NPR2: variants seen among roughly 807,000 people sequenced by gnomAD.
The protein encoded by NPR2 is natriuretic peptide receptor 2.
A neutral mutation model predicts 120.7 loss-of-function variants in NPR2; 49 were observed. The ratio of observed to expected loss-of-function variants is 0.41; its 90% CI spans 0.32 to 0.52. NPR2 has a LOEUF of 0.52. Among genes scored for constraint, NPR2 ranks in the 20% least tolerant of loss-of-function variants. NPR2 has a pLI of 0.36. For missense variants in NPR2, 931 were observed against 1,362.9 expected, an observed-to-expected ratio of 0.68 and a Z score of 4.99; for synonymous variants, 484 against 519.8, an observed-to-expected ratio of 0.93 and a Z score of 0.94.
chr9:35,794,657 A>G (rs538462450), intron 2 of NPR2, among the ~76,000 whole-genome samples: 2 of 152,206 alleles, frequency 1.3e-5, no homozygotes, highest in African/African-American at 4.8e-5. Flanking sequence ...AAGCATCCTG[A>G]GCAAAGAGAA....
At chr9:35,794,158 TTC>T (rs1292986221) in intron 2 of NPR2, 55 bp downstream of exon 2, 5 of 1,536,220 alleles carry the variant, frequency 3.3e-6, no homozygotes, top group Non-Finnish European at 4.4e-6. Flanking sequence ...TCGCTGGAAA[TTC>T]TCTCTCACAA....
In NPR2 at chr9:35,793,063, G is replaced by T; in HGVS notation, c.655G>T (p.Ala219Ser). ...GPEQATHFIR[A>S]NGRIVYICGP... is the part of the protein sequence containing the mutation. ...CGAGCAGGCCACCCACTTCATCCGGGCCAACGGGCGCAGTGAGTGTGGCCT... is the reference window on the plus strand; with the variant it reads ...CGAGCAGGCCACCCACTTCATCCGGTCCAACGGGCGCAGTGAGTGTGGCCT... Residue 219 changes from alanine (A) to serine (S), a missense_variant, in exon 1 of 22, where the codon GCC (alanine) becomes TCC (serine). This residue lies in a region of NPR2 where 681 missense variants were observed against 974.3 expected (regional missense o/e 0.70). Transcript: ENST00000342694. The T allele has an allele frequency of 6.3e-7, 1 of 1,596,972 alleles. No individual in the cohort carries two copies. Among genetic ancestry groups the T allele is most frequent in the East Asian group, 2.2e-5 (1 of 44,696 alleles).
Position 35,802,948 on chromosome 9 carries a change from A to G in NPR2, c.1887+145A>G. ...ATGGTCTGGTAATAATGGGTAAACA[A>G]GGAGTCTGGGGCTTATAACTGGGAC... On this transcript the variant is annotated intron_variant, in intron 12 of 21. Coordinates refer to ENST00000342694, the MANE Select transcript of NPR2 (RefSeq NM_003995.4). This position sits in a 1 kb window ranked among gnomAD's most constrained non-coding sequence, Gnocchi z 4.2. 1 of 705,404 alleles carries G rather than the reference A, an allele frequency of 1.4e-6. No homozygotes were observed. The highest frequency in any genetic ancestry group is 2.6e-6 in the Non-Finnish European group (1 of 386,046). The allele number at this position is 705,404 out of a possible 1,614,324, so 43.7% of individuals were successfully genotyped here. A position where few individuals can be genotyped will look rare whatever the true frequency, so the allele number is the denominator to read the frequency against.
Position 35,805,459 on chromosome 9 carries a change from G to A in NPR2, c.1888-52G>A. The A allele has an allele frequency of 6.3e-7, 1 of 1,577,322 alleles. No homozygotes were observed. Among genetic ancestry groups the A allele is most frequent in the Non-Finnish European group, 8.7e-7 (1 of 1,146,568 alleles). On this transcript the variant is annotated intron_variant, in intron 12 of 21. Coordinates refer to ENST00000342694, the MANE Select transcript of NPR2 (RefSeq NM_003995.4). This position sits in a 1 kb window ranked among gnomAD's most constrained non-coding sequence, Gnocchi z 4.9. ...CCAGTGCCCATCTCATGGAGAGAGG[G>A]TATTCTAAGCCAGATATGATCCAAT...
In NPR2 at chr9:35,808,837, G is replaced by A. The variant is rs1828578992; in HGVS notation, c.2970G>A (p.Met990Ile). Reference protein sequence around the residue: ...FGDTVNTASRMESNGQALKIH... With the variant: ...FGDTVNTASRIESNGQALKIH... The stretch of plus-strand genomic sequence containing the variant: ...ACACAGTGAACACTGCTTCTCGAAT[G>A]GAGTCTAATGGTCAAGGTAAGACAT... Residue 990 changes from methionine to isoleucine, a missense_variant, in exon 20 of 22, where the codon ATG becomes ATA. By Grantham distance (10) the Met-to-Ile change is conservative (BLOSUM62 1). Around this residue, in one of 3 missense-constraint regions of NPR2, gnomAD observed 184 missense variants for 328.3 expected, o/e 0.56. Transcript: ENST00000342694. The surrounding 1 kb of genome is among the most constrained non-coding windows in gnomAD (Gnocchi z 4.0). 2 of 1,601,630 alleles carry A rather than the reference G, an allele frequency of 1.2e-6. No homozygotes were observed. Among genetic ancestry groups the A allele is most frequent in the South Asian group, 1.1e-5 (1 of 90,796 alleles).
chr9:35,806,959 T>C lies in NPR2; in HGVS notation c.2520-64T>C. ...TCATCTCTGCTGCAGCCACATACAC[T>C]TTCCCTCTCTCTTCCACTCCTGCTC... On this transcript the variant is annotated intron_variant, in intron 16 of 21. Transcript: ENST00000342694. The surrounding 1 kb of genome is among the most constrained non-coding windows in gnomAD (Gnocchi z 4.6). The C allele has an allele frequency of 1.9e-6, 3 of 1,587,854 alleles. No individual in the cohort carries two copies. Among genetic ancestry groups the C allele is most frequent in the Non-Finnish European group, 2.6e-6 (3 of 1,157,590 alleles).
rs1453277291 is a variant in NPR2 at position 35,805,505 on chromosome 9, C to T, written c.1888-6C>T. ...CCAATCCCATGACTTGATCTGTACCCTGCAGGGCATGGCCTTTCTCCACAA... is the reference window on the plus strand; with the variant it reads ...CCAATCCCATGACTTGATCTGTACCTTGCAGGGCATGGCCTTTCTCCACAA... On this transcript the variant is annotated splice_polypyrimidine_tract_variant and splice_region_variant and intron_variant, in intron 12 of 21. Coordinates refer to ENST00000342694, the MANE Select transcript of NPR2 (RefSeq NM_003995.4). The surrounding 1 kb of genome is among the most constrained non-coding windows in gnomAD (Gnocchi z 4.9). 1 of 1,613,994 alleles carries T rather than the reference C, an allele frequency of 6.2e-7. No homozygotes were observed. Among genetic ancestry groups the T allele is most frequent in the Non-Finnish European group, 8.5e-7 (1 of 1,179,944 alleles).
At position 35,809,456 on chromosome 9, in the gene NPR2, T is replaced by C. The variant is rs771871411; in HGVS notation, c.*11T>C. 6.2e-7 allele frequency: 1 copy of C among 1,614,214 alleles called. No homozygotes were observed. ...CCTGGACTCCTGTAAACCCCCATTC[T>C]TTCCAAGTCAGATAGTCTTCTGCTG... On this transcript the variant is annotated 3_prime_UTR_variant, in exon 22 of 22. Transcript: ENST00000342694. This position sits in a 1 kb window ranked among gnomAD's most constrained non-coding sequence, Gnocchi z 4.1.
In NPR2 at chr9:35,807,004, C is replaced by A. The variant is rs560806065; in HGVS notation, c.2520-19C>A. 1.9e-6 allele frequency: 3 copies of A among 1,613,830 alleles called. No homozygotes were observed. Among genetic ancestry groups the A allele is most frequent in the Non-Finnish European group, 2.5e-6 (3 of 1,179,760 alleles). ...CTGCTCTCTTGGAGTTTGGCTCATA[C>A]GGCACCCTTGCTTCCTAGTTCAGTG... On this transcript the variant is annotated intron_variant, in intron 16 of 21. Transcript: ENST00000342694.
intron 18 of NPR2, among the ~76,000 whole-genome samples, chr9:35,807,726 G>A (rs1233838109): frequency 1.3e-5 from 2 of 152,174 alleles, no homozygotes; most frequent in Non-Finnish European, 2.9e-5. Context: ...TATAGGATGT[G>A]GGTCCAGACT....
In NPR2 at chr9:35,800,457, G is replaced by A; in HGVS notation, c.1192G>A (p.Gly398Arg). 6.2e-7 allele frequency: 1 copy of A among 1,614,084 alleles called. No individual in the cohort carries two copies. The highest frequency in any genetic ancestry group is 1.3e-5 in the African/African-American group (1 of 75,046). ...RETDFVLWAM[G>R]DLDSGDFQPA... ...GACTGACTTTGTCCTCTGGGCCATG[G>A]GAGACCTGGATTCTGGGGACTTTCA... Residue 398 changes from glycine to arginine, a missense_variant, in exon 5 of 22, where the codon GGA becomes AGA. Gly to Arg is a moderately radical substitution (Grantham distance 125, BLOSUM62 -2). This residue lies in a region of NPR2 where 681 missense variants were observed against 974.3 expected (regional missense o/e 0.70). Coordinates refer to ENST00000342694, the MANE Select transcript of NPR2 (RefSeq NM_003995.4). The surrounding 1 kb of genome is among the most constrained non-coding windows in gnomAD (Gnocchi z 4.7).
In NPR2 at chr9:35,802,082, G is replaced by C; in HGVS notation, c.1632+82G>C. 7.0e-7 allele frequency: 1 copy of C among 1,427,584 alleles called. No homozygotes were observed. Among genetic ancestry groups the C allele is most frequent in the Middle Eastern group, 1.7e-4 (1 of 5,744 alleles). The allele number at this position is 1,427,584 out of a possible 1,614,324, so 88.4% of individuals were successfully genotyped here. The stretch of plus-strand genomic sequence containing the variant: ...CTGCCACCTCTGCCCCTGAACCTCT[G>C]TCCCTCATACCCGACTCTCTGTGCC... On this transcript the variant is annotated intron_variant, in intron 9 of 21. Coordinates refer to ENST00000342694, the MANE Select transcript of NPR2 (RefSeq NM_003995.4). This position sits in a 1 kb window ranked among gnomAD's most constrained non-coding sequence, Gnocchi z 4.2.
intron 2 of NPR2, among the ~76,000 whole-genome samples, chr9:35,796,772 G>T (rs536213446): frequency 6.6e-6 from 1 of 152,100 alleles, no homozygotes; most frequent in African/African-American, 2.4e-5. Context: ...AAGGTGCCCC[G>T]CCCCCCACCT....
chr9:35,808,622 T>C lies in NPR2; in HGVS notation c.2826T>C (p.Ser942=), dbSNP rs1309029172. Residue 942 remains serine, a synonymous_variant, in exon 19 of 22, where the codon TCT becomes TCC. Coordinates refer to ENST00000342694, the MANE Select transcript of NPR2 (RefSeq NM_003995.4). This position sits in a 1 kb window ranked among gnomAD's most constrained non-coding sequence, Gnocchi z 4.0. ...CCCTAGCATTACTAGATGCAGTTTCTTCCTTTCGCATCCGCCACCGACCCC... is the reference window on the plus strand; with the variant it reads ...CCCTAGCATTACTAGATGCAGTTTCCTCCTTTCGCATCCGCCACCGACCCC... ...RMALALLDAV[S]SFRIRHRPHD... 1 of 1,614,088 alleles carries C rather than the reference T, an allele frequency of 6.2e-7. No homozygotes were observed. The highest frequency in any genetic ancestry group is 2.2e-5 in the East Asian group (1 of 44,900).
In NPR2 at chr9:35,809,343, C is replaced by A. The variant is rs118024515; in HGVS notation, c.3079-37C>A. ...GAGAGGGAGACAAAGGGACTAACAT[C>A]GAAGCATCTGAATCATGTCCACTCT... On this transcript the variant is annotated intron_variant, in intron 21 of 21. Coordinates refer to ENST00000342694, the MANE Select transcript of NPR2 (RefSeq NM_003995.4). This position sits in a 1 kb window ranked among gnomAD's most constrained non-coding sequence, Gnocchi z 4.1. 6.2e-7 allele frequency: 1 copy of A among 1,612,784 alleles called. No individual in the cohort carries two copies. Among genetic ancestry groups the A allele is most frequent in the Non-Finnish European group, 8.5e-7 (1 of 1,179,002 alleles).
rs539647497 is a variant in NPR2, at chr9:35,806,140, A to G, written c.2279A>G (p.Glu760Gly). ...ATTGACCGGACCCAACTGAATGAAGAGCTAGTTTTGCTGATGGAGCGATGT... is the reference window on the plus strand; with the variant it reads ...ATTGACCGGACCCAACTGAATGAAGGGCTAGTTTTGCTGATGGAGCGATGT... ...PSIDRTQLNEELVLLMERCWA... is the reference protein window; with the variant it reads ...PSIDRTQLNEGLVLLMERCWA... The change falls in exon 15 of 22, where the codon GAG becomes GGG. Residue 760 changes from glutamate to glycine, a missense_variant. By Grantham distance (98) the Glu-to-Gly change is moderately conservative (BLOSUM62 -2). Around this residue, in one of 3 missense-constraint regions of NPR2, gnomAD observed 66 missense variants for 60.3 expected, o/e 1.09. Coordinates refer to ENST00000342694, the MANE Select transcript of NPR2 (RefSeq NM_003995.4). This position sits in a 1 kb window ranked among gnomAD's most constrained non-coding sequence, Gnocchi z 4.6. The G allele has an allele frequency of 6.2e-7, 1 of 1,614,156 alleles. No individual in the cohort carries two copies. Among genetic ancestry groups the G allele is most frequent in the South Asian group, 1.1e-5 (1 of 91,078 alleles).
Position 35,806,226 on chromosome 9 carries a change from T to C in NPR2, c.2365T>C (p.Phe789Leu). The change falls in exon 15 of 22, where the codon TTT (phenylalanine) becomes CTT (leucine). Residue 789 changes from phenylalanine to leucine, a missense_variant. Phe to Leu is a conservative substitution (Grantham distance 22, BLOSUM62 0). Around this residue, in one of 3 missense-constraint regions of NPR2, gnomAD observed 66 missense variants for 60.3 expected, o/e 1.09. Transcript: ENST00000342694. The surrounding 1 kb of genome is among the most constrained non-coding windows in gnomAD (Gnocchi z 4.6). ...FGQIKGFIRR[F>L]NKEGGTSILD... ...ACAGATTAAGGGCTTCATTCGGCGC[T>C]TTAACAAGTGAGAGGGCATTATGGG... The C allele has an allele frequency of 6.2e-7, 1 of 1,614,176 alleles. No homozygotes were observed. Among genetic ancestry groups the C allele is most frequent in the South Asian group, 1.1e-5 (1 of 91,084 alleles).
At position 35,809,294 on chromosome 9, in the gene NPR2, G is replaced by A. The variant is rs1394193571; in HGVS notation, c.3078+47G>A. 6 of 1,610,762 alleles carry A rather than the reference G, an allele frequency of 3.7e-6. No individual in the cohort carries two copies. Among genetic ancestry groups the A allele is most frequent in the Non-Finnish European group, 5.1e-6 (6 of 1,177,446 alleles). On this transcript the variant is annotated intron_variant, in intron 21 of 21. Coordinates refer to ENST00000342694, the MANE Select transcript of NPR2 (RefSeq NM_003995.4). The surrounding 1 kb of genome is among the most constrained non-coding windows in gnomAD (Gnocchi z 4.1). The stretch of plus-strand genomic sequence containing the variant: ...GGGGGCATGGAAAGGGAGGGTGAAA[G>A]TGATTATGGGAATCATAGGGAAAGA...
rs578187927 is a variant in NPR2, at chr9:35,794,366, A to C, written c.873+263A>C. On this transcript the variant is annotated intron_variant, in intron 2 of 21. Transcript: ENST00000342694. Reference sequence around the variant, plus strand: ...CTTTCCTAAGTGCCAGTAGTAGGCTATATTGTGGGGGAGAAAAGTTCAGGA... The same window carrying C: ...CTTTCCTAAGTGCCAGTAGTAGGCTCTATTGTGGGGGAGAAAAGTTCAGGA... Among the ~76,000 whole-genome samples the C allele has an allele frequency of 7.2e-5, 11 of 152,326 alleles. 1 individual carries two copies. The South Asian group carries it at 2.3e-3, about 32-fold the overall frequency.
Sources: allele counts gnomAD v4.1 joint callset (sites outside exome capture counted in the v4.1 genomes callset), GRCh38; gene constraint gnomAD v4.1.1; regional missense constraint gnomAD v4.1.1; non-coding constraint Gnocchi (gnomAD v3.1); transcripts MANE v1.5; gene names NCBI Gene and HGNC (gene_info 2026-07-23, HGNC 2026-07-21).